Variants in PCDHGA2 observed in about 807,000 individuals in gnomAD.
PCDHGA2 encodes the protein protocadherin gamma-A2.
PCDHGA2 carries 40 observed loss-of-function variants against 59.2 expected under a neutral mutation model. The observed-to-expected ratio is 0.68, with a 90% confidence interval of 0.52 to 0.88. The LOEUF (loss-of-function observed/expected upper bound fraction) is 0.88, where lower values mean the gene tolerates loss of function less well. PCDHGA2 is among the 40% of genes least tolerant of loss of function. The pLI is 0.00. For missense variants in PCDHGA2, 1,226 were observed against 1,204.0 expected, an observed-to-expected ratio of 1.02 and a Z score of -0.27; for synonymous variants, 560 against 526.0, an observed-to-expected ratio of 1.06 and a Z score of -0.89.
At chr5:141,383,867 A>G in intron 1 of PCDHGA2, 3 of 1,614,006 alleles carry the variant, frequency 1.9e-6, no homozygotes, top group Non-Finnish European at 1.7e-6. Context: ...CAGGCTCAAG[A>G]TGGTCCTGGT....
chr5:141,371,489 C>G (rs548103153), intron 1 of PCDHGA2: 1 of 1,613,918 alleles, frequency 6.2e-7, no homozygotes, highest in Non-Finnish European at 8.5e-7. Context: ...TGGGGACTGC[C>G]GTTGCCCTGA....
intron 1 of PCDHGA2, chr5:141,362,670 CTTAA>C: frequency 8.1e-7 from 1 of 1,239,100 alleles, no homozygotes; most frequent in Non-Finnish European, 1.1e-6. Context: ...AATGTTGTGC[CTTAA>C]TTGTCTTAAT....
At chr5:141,412,932 T>C (rs2095590399) in intron 1 of PCDHGA2, 3 of 453,328 alleles carry the variant, frequency 6.6e-6, no homozygotes, top group South Asian at 1.0e-4. Flanking sequence ...AGTAACTTCT[T>C]AGGACTCTGA....
chr5:141,350,940 T>C, intron 1 of PCDHGA2: 1 of 1,614,094 alleles, frequency 6.2e-7, no homozygotes, highest in Non-Finnish European at 8.5e-7. Flanking sequence ...CATATCTGGA[T>C]CCGAGTTACG....
intron 1 of PCDHGA2, chr5:141,419,837 C>G (rs778271441): frequency 1.2e-6 from 2 of 1,614,090 alleles, no homozygotes; most frequent in South Asian, 2.2e-5. Context: ...CACTGCCACG[C>G]TGCACCTGGT....
In PCDHGA2 at chr5:141,413,327, A is replaced by T. The variant is rs200027912; in HGVS notation, c.2424+71932A>T. ...TTAGAGAAAGGCTCTTTCGTGGGCA[A>T]CATCTCCAAGGACTTGGGTCTGGCG... On this transcript the variant is annotated intron_variant, in intron 1 of 3. Transcript: ENST00000394576. The T allele has an allele frequency of 2.6e-4, 421 of 1,613,984 alleles. 1 individual carries two copies. The highest frequency in any genetic ancestry group is 1.1e-3 in the South Asian group (96 of 91,090).
chr5:141,427,361 A>ACC (rs781206288), intron 1 of PCDHGA2: 1 of 457,772 alleles, frequency 2.2e-6, no homozygotes, highest in South Asian at 1.5e-5. Context: ...AGGACGCAGA[A>ACC]CCCTGGACGG....
chr5:141,491,199 C>T lies in PCDHGA2; in HGVS notation c.2425-3608C>T. ...TGGTCCTGGTGAGGGACAATGGTGA[C>T]CCTTCACTCTCCTCCACAGCCACAG... On this transcript the variant is annotated intron_variant, in intron 1 of 3. Coordinates refer to ENST00000394576, the MANE Select transcript of PCDHGA2 (RefSeq NM_018915.4). The surrounding 1 kb of genome is among the most constrained non-coding windows in gnomAD (Gnocchi z 6.9). 1 of 1,614,190 alleles carries T rather than the reference C, an allele frequency of 6.2e-7. No homozygotes were observed. Among genetic ancestry groups the T allele is most frequent in the South Asian group, 1.1e-5 (1 of 91,086 alleles).
At position 141,389,870 on chromosome 5, in the gene PCDHGA2, C is replaced by T. The variant is rs1395147259; in HGVS notation, c.2424+48475C>T. On this transcript the variant is annotated intron_variant, in intron 1 of 3. Transcript: ENST00000394576. ...CCACTGCCACGTTGCACCTGGTCTT[C>T]GCCGACAGCTTGCAGGAGGTGCTGC... is the stretch of plus-strand genomic sequence containing the variant. The T allele has an allele frequency of 2.5e-6, 4 of 1,613,960 alleles. No individual in the cohort carries two copies. The South Asian group carries it at 3.3e-5, about 13-fold the overall frequency.
chr5:141,417,647 C>G, intron 1 of PCDHGA2: 8 of 812,384 alleles, frequency 9.8e-6, no homozygotes, highest in Non-Finnish European at 1.5e-5. Flanking sequence ...ATCCCTCAGC[C>G]TCTAGCCTGG....
At chr5:141,376,728 G>A (rs1773296004) in intron 1 of PCDHGA2, 1 of 538,000 alleles carries the variant, frequency 1.9e-6, no homozygotes, top group Non-Finnish European at 3.1e-6. Context: ...CGCCCAGGCC[G>A]GACTGCGGAC....
intron 1 of PCDHGA2, among the ~76,000 whole-genome samples, chr5:141,397,777 C>T (rs1589309887): frequency 6.6e-6 from 1 of 152,170 alleles, no homozygotes; most frequent in Non-Finnish European, 1.5e-5. Flanking sequence ...AGTATATGGA[C>T]GTAAAAACTT....
chr5:141,506,740 T>C (rs1006665092), intron 3 of PCDHGA2, among the ~76,000 whole-genome samples: 2 of 152,104 alleles, frequency 1.3e-5, no homozygotes, highest in African/African-American at 2.4e-5. Context: ...ATAATGCCTA[T>C]TAATAAAGAC....
At chr5:141,355,289 A>G (rs1759786775) in intron 1 of PCDHGA2, 1 of 1,613,744 alleles carries the variant, frequency 6.2e-7, no homozygotes. Context: ...AGGGCCGAAC[A>G]GATTCTCTAC....
chr5:141,477,212 C>CCTCT lies in PCDHGA2; in HGVS notation c.2425-17594_2425-17591dup. 6.2e-7 allele frequency: 1 copy of CCTCT among 1,614,166 alleles called. No homozygotes were observed. The highest frequency in any genetic ancestry group is 8.5e-7 in the Non-Finnish European group (1 of 1,180,042). The stretch of plus-strand genomic sequence containing the variant: ...GTACAGCCCAGTACCCGAGGATGCC[C>CCTCT]CTCTGGGGACTGTCATCGCTTTGCT... On this transcript the variant is annotated intron_variant, in intron 1 of 3. Coordinates refer to ENST00000394576, the MANE Select transcript of PCDHGA2 (RefSeq NM_018915.4). This position sits in a 1 kb window ranked among gnomAD's most constrained non-coding sequence, Gnocchi z 4.9.
At chr5:141,364,846 C>A in intron 1 of PCDHGA2, 5 of 1,613,994 alleles carry the variant, frequency 3.1e-6, no homozygotes, top group Non-Finnish European at 4.2e-6. Flanking sequence ...GTTACCAGCT[C>A]AGCTCCAATC....
At chr5:141,433,237 A>G in intron 1 of PCDHGA2, 1 of 1,495,940 alleles carries the variant, frequency 6.7e-7, no homozygotes, top group South Asian at 1.3e-5. Flanking sequence ...TCTGTCTCCC[A>G]AGCTGGAATG....
At chr5:141,478,725 A>C (rs2099473537) in intron 1 of PCDHGA2, 1 of 1,542,096 alleles carries the variant, frequency 6.5e-7, no homozygotes. Flanking sequence ...GGCCTGCCAG[A>C]GTGTGGTTTG....
intron 1 of PCDHGA2, among the ~76,000 whole-genome samples, chr5:141,445,441 C>G (rs1201825256): frequency 6.6e-6 from 1 of 152,152 alleles, no homozygotes; most frequent in East Asian, 1.9e-4. Context: ...GACCTATGGA[C>G]TAAGGATGCA....
Sources: allele counts gnomAD v4.1 joint callset (sites outside exome capture counted in the v4.1 genomes callset), GRCh38; gene constraint gnomAD v4.1.1; non-coding constraint Gnocchi (gnomAD v3.1); transcripts MANE v1.5; gene names NCBI Gene and HGNC (gene_info 2026-07-23, HGNC 2026-07-21).